RNF115: variants seen among roughly 807,000 people sequenced by gnomAD.
The protein encoded by RNF115 is E3 ubiquitin-protein ligase RNF115.
Under a neutral mutation model 39.2 loss-of-function variants are expected in RNF115, and 31 were observed. The observed-to-expected ratio is 0.79, with a 90% CI of 0.59 to 1.07. The LOEUF is 1.07. Ranked by LOEUF, RNF115 falls within the 50% of genes least tolerant of loss-of-function variation. The pLI, the probability that RNF115 is intolerant of heterozygous loss-of-function variation, is 0.00. For synonymous variants in RNF115, 124 were observed against 131.0 expected, an observed-to-expected ratio of 0.95 and a Z score of 0.37; for missense variants, 384 against 381.7, an observed-to-expected ratio of 1.01 and a Z score of -0.05.
At chr1:145,792,007 C>G (rs115086218) in intron 1 of RNF115, among the ~76,000 whole-genome samples, 3,564 of 151,486 alleles carry the variant, frequency 0.024, 158 homozygotes, top group African/African-American at 0.082. Context: ...TTTTGGCTCA[C>G]TGTAGCCTTG....
chr1:145,766,141 G>A (rs982008133), intron 4 of RNF115, among the ~76,000 whole-genome samples: 4 of 152,158 alleles, frequency 2.6e-5, no homozygotes, highest in African/African-American at 9.7e-5. Context: ...GGACCCTGCG[G>A]CCTTCCGCAG....
rs587668649 is a variant in RNF115 at position 145,745,534 on chromosome 1, C to G, written c.*1332G>C. The G allele has an allele frequency of 1.3e-5, 2 of 151,674 alleles. No homozygotes were observed. The highest frequency in any genetic ancestry group is 2.9e-5 in the Non-Finnish European group (2 of 68,054). 9.4% of individuals were successfully genotyped at this position (151,674 alleles called of 1,614,324 possible). On this transcript the variant is annotated 3_prime_UTR_variant, in exon 9 of 9. Coordinates refer to ENST00000582693, the MANE Select transcript of RNF115 (RefSeq NM_014455.4). ...AGTGCATTGGTATGATCCGGCTCAC[C>G]GCAACCTCCACCTCCTGGGTTCAAG...
intron 1 of RNF115, among the ~76,000 whole-genome samples, chr1:145,820,347 T>G (rs1553724228): frequency 1.3e-5 from 2 of 151,974 alleles, no homozygotes; most frequent in Admixed American, 6.6e-5. Context: ...CACACCTATC[T>G]ACTACTACTC....
At position 145,744,995 on chromosome 1, in the gene RNF115, T is replaced by C. The variant is rs1657818371; in HGVS notation, c.*1871A>G. The C allele has an allele frequency of 1.3e-5, 2 of 152,202 alleles. No individual in the cohort carries two copies. 9.4% of individuals were successfully genotyped at this position (152,202 alleles called of 1,614,324 possible). On this transcript the variant is annotated 3_prime_UTR_variant, in exon 9 of 9. Coordinates refer to ENST00000582693, the MANE Select transcript of RNF115 (RefSeq NM_014455.4). ...ACACTGATCAGTTTGAGTCCAAGTA[T>C]AGCCAGAACCAAGGAGAAAAGGAAA...
At chr1:145,769,867 C>T (rs1647556028) in intron 4 of RNF115, among the ~76,000 whole-genome samples, 1 of 151,700 alleles carries the variant, frequency 6.6e-6, no homozygotes, top group South Asian at 2.1e-4. Context: ...ATTAGCCAGG[C>T]GTGGTGGCAC....
chr1:145,787,661 C>A (rs1200026714), intron 2 of RNF115, among the ~76,000 whole-genome samples: 1 of 150,866 alleles, frequency 6.6e-6, no homozygotes, highest in Non-Finnish European at 1.5e-5. Flanking sequence ...CCAAGGCAGG[C>A]GGATCACTTG....
chr1:145,803,182 G>C (rs900592099), intron 1 of RNF115, among the ~76,000 whole-genome samples: 1 of 152,120 alleles, frequency 6.6e-6, no homozygotes, highest in African/African-American at 2.4e-5. Context: ...AGCTCAAGGA[G>C]TTGTAAGCAA....
At chr1:145,774,881 C>T (rs1244381172) in intron 3 of RNF115, among the ~76,000 whole-genome samples, 1 of 152,064 alleles carries the variant, frequency 6.6e-6, no homozygotes, top group East Asian at 1.9e-4. Context: ...AACAGAAACG[C>T]AACTGATTTT....
At chr1:145,783,481 C>A (rs1416205329) in intron 3 of RNF115, among the ~76,000 whole-genome samples, 3 of 152,154 alleles carry the variant, frequency 2.0e-5, no homozygotes, top group African/African-American at 7.2e-5. Flanking sequence ...TATCACTTTT[C>A]AAATATACTA....
intron 4 of RNF115, among the ~76,000 whole-genome samples, chr1:145,759,317 T>C (rs1658415131): frequency 6.6e-6 from 1 of 152,172 alleles, no homozygotes; most frequent in African/African-American, 2.4e-5. Context: ...ACATTTCCAC[T>C]TGTATAATAA....
chr1:145,777,648 T>C (rs1647945410), intron 3 of RNF115, among the ~76,000 whole-genome samples: 2 of 152,098 alleles, frequency 1.3e-5, no homozygotes, highest in Non-Finnish European at 2.9e-5. Flanking sequence ...AAACTGGGTA[T>C]TCAGGACACA....
intron 3 of RNF115, among the ~76,000 whole-genome samples, chr1:145,777,834 A>C (rs1165614786): frequency 2.0e-5 from 3 of 152,294 alleles, no homozygotes; most frequent in East Asian, 1.9e-4. Flanking sequence ...TTACACATTC[A>C]AAATAAAAAA....
chr1:145,799,419 T>G (rs1553720550), intron 1 of RNF115, among the ~76,000 whole-genome samples: 1 of 152,174 alleles, frequency 6.6e-6, no homozygotes, highest in Non-Finnish European at 1.5e-5. Context: ...ATAATTTTAC[T>G]TCTTCCTTTC....
At chr1:145,822,049 G>C (rs1650274185) in intron 1 of RNF115, among the ~76,000 whole-genome samples, 2 of 152,166 alleles carry the variant, frequency 1.3e-5, no homozygotes, top group African/African-American at 4.8e-5. Flanking sequence ...CATTTAGGCG[G>C]GGAGCAGTGG....
intron 4 of RNF115, among the ~76,000 whole-genome samples, chr1:145,754,128 C>T (rs1658203765): frequency 6.6e-6 from 1 of 152,186 alleles, no homozygotes; most frequent in African/African-American, 2.4e-5. Context: ...GCTAACTACA[C>T]TATTCCGTTT....
intron 8 of RNF115, among the ~76,000 whole-genome samples, 193 bp from the exon 9 acceptor site, chr1:145,747,190 T>G (rs1042247607): frequency 6.6e-6 from 1 of 152,182 alleles, no homozygotes; most frequent in Admixed American, 6.5e-5. Flanking sequence ...AACAGAACTT[T>G]AAGCAGAACT....
chr1:145,793,259 G>C (rs1432967392), intron 1 of RNF115, among the ~76,000 whole-genome samples: 1 of 152,244 alleles, frequency 6.6e-6, no homozygotes, highest in East Asian at 1.9e-4. Flanking sequence ...TGAGGCTGCA[G>C]TAAGCTGTGA....
chr1:145,816,479 A>T (rs1649997573), intron 1 of RNF115, among the ~76,000 whole-genome samples: 2 of 87,782 alleles, frequency 2.3e-5, no homozygotes, highest in South Asian at 1.2e-3. Context: ...GTCAAATTAA[A>T]TGAATTCAGC....
chr1:145,776,265 A>C (rs1553716559), intron 3 of RNF115, among the ~76,000 whole-genome samples: 1 of 149,776 alleles, frequency 6.7e-6, no homozygotes, highest in Non-Finnish European at 1.5e-5. Context: ...CCCAGGTTCA[A>C]GCCATTCTGC....
Sources: allele counts gnomAD v4.1 joint callset (sites outside exome capture counted in the v4.1 genomes callset), GRCh38; gene constraint gnomAD v4.1.1; transcripts MANE v1.5; gene names NCBI Gene and HGNC (gene_info 2026-07-23, HGNC 2026-07-21).